DPH6: variants seen among roughly 807,000 people sequenced by gnomAD.
DPH6 encodes the protein diphthamine biosynthesis 6.
In DPH6, 33 loss-of-function variants were observed where a neutral mutation model predicts 38.2. That is an observed-to-expected ratio of 0.86 (90% confidence interval 0.65 to 1.15). The LOEUF (loss-of-function observed/expected upper bound fraction) is 1.15, where lower values mean the gene tolerates loss of function less well. DPH6 is among the 50% of genes most tolerant of loss of function. The pLI is 0.00. For synonymous variants in DPH6, 108 were observed against 103.0 expected, an observed-to-expected ratio of 1.05 and a Z score of -0.30; for missense variants, 325 against 320.0, an observed-to-expected ratio of 1.02 and a Z score of -0.12.
intron 3 of DPH6, among the ~76,000 whole-genome samples, chr15:35,230,177 C>T (rs2051507251): frequency 6.6e-6 from 1 of 152,178 alleles, no homozygotes; most frequent in South Asian, 2.1e-4. Context: ...TGTCAAAAAC[C>T]TTAGAAGCCC....
At chr15:35,500,046 G>A (rs2054606081) in intron 3 of DPH6, among the ~76,000 whole-genome samples, 1 of 152,190 alleles carries the variant, frequency 6.6e-6, no homozygotes, top group South Asian at 2.1e-4. Flanking sequence ...TGATCTTAAA[G>A]GAGGTGTCAT....
chr15:35,515,588 GCGGGCGCC>G (rs2054834574), intron 3 of DPH6, among the ~76,000 whole-genome samples: 1 of 152,044 alleles, frequency 6.6e-6, no homozygotes, highest in Non-Finnish European at 1.5e-5. Flanking sequence ...GGGCACGGTG[GCGGGCGCC>G]TGTAGTCCCA....
intron 3 of DPH6, among the ~76,000 whole-genome samples, chr15:35,316,353 T>A (rs2052188534): frequency 1.3e-5 from 2 of 152,148 alleles, no homozygotes; most frequent in East Asian, 3.8e-4. Flanking sequence ...AAAAAAGACA[T>A]GTGATTAATA....
chr15:35,302,438 G>T (rs189546913), intron 3 of DPH6, among the ~76,000 whole-genome samples: 280 of 152,172 alleles, frequency 1.8e-3, no homozygotes, highest in Non-Finnish European at 3.3e-3. Context: ...TTTCATGCAT[G>T]CCCTACTCTT....
At chr15:35,339,400 C>T (rs771368788) in intron 3 of DPH6, among the ~76,000 whole-genome samples, 5 of 151,994 alleles carry the variant, frequency 3.3e-5, no homozygotes, top group African/African-American at 4.8e-5. Context: ...TCTCGACTCA[C>T]TGCAACCTCT....
At chr15:35,353,746 T>C (rs933741987) in intron 3 of DPH6, among the ~76,000 whole-genome samples, 29 of 152,290 alleles carry the variant, frequency 1.9e-4, no homozygotes, top group African/African-American at 7.0e-4. Context: ...TGGCTTAGGA[T>C]TGACTTGGTG....
intron 3 of DPH6, among the ~76,000 whole-genome samples, chr15:35,250,714 A>C (rs2051668286): frequency 1.3e-5 from 2 of 152,144 alleles, no homozygotes; most frequent in African/African-American, 2.4e-5. Context: ...TCTAGGACTA[A>C]AAAGTTCAAA....
chr15:35,147,902 A>G, the DPH6 span, among the ~76,000 whole-genome samples: 1 of 152,248 alleles, frequency 6.6e-6, no homozygotes, highest in Admixed American at 6.5e-5. Flanking sequence ...CTTGGGCTGC[A>G]AACAATTAGT....
chr15:35,316,506 T>C (rs1012126591), intron 3 of DPH6, among the ~76,000 whole-genome samples: 4 of 152,016 alleles, frequency 2.6e-5, no homozygotes, highest in Non-Finnish European at 5.9e-5. Flanking sequence ...TTAAATAGAA[T>C]ACTGGAAGCT....
intron 6 of DPH6, among the ~76,000 whole-genome samples, chr15:35,384,670 AT>A: frequency 2.9e-5 from 2 of 70,120 alleles, no homozygotes; most frequent in Admixed American, 1.4e-4. Context: ...TCTCAAAAAA[AT>A]AAAAATAAAA....
chr15:35,454,662 A>G, intron 4 of DPH6, 85 bp downstream of exon 4: 1 of 1,167,622 alleles, frequency 8.6e-7, no homozygotes, highest in South Asian at 1.4e-5. Flanking sequence ...ACCTATTTAT[A>G]ATTTGAATAT....
intron 3 of DPH6, among the ~76,000 whole-genome samples, chr15:35,483,465 A>G (rs1408224071): frequency 6.7e-6 from 1 of 148,602 alleles, no homozygotes; most frequent in Admixed American, 6.7e-5. Context: ...CTCTGTCTCA[A>G]AAAAAAACCA....
intron 1 of DPH6, among the ~76,000 whole-genome samples, chr15:35,544,733 T>G (rs1216786071): frequency 6.6e-6 from 1 of 152,154 alleles, no homozygotes; most frequent in Non-Finnish European, 1.5e-5. Flanking sequence ...TTAGCAAACT[T>G]TTTTTATTAT....
chr15:35,364,004 T>C (rs193261899), intron 3 of DPH6, among the ~76,000 whole-genome samples: 1 of 152,208 alleles, frequency 6.6e-6, no homozygotes, highest in African/African-American at 2.4e-5. Context: ...TTCTTACATA[T>C]AGTTAATATC....
intron 3 of DPH6, chr15:35,283,106 C>T: frequency 6.8e-6 from 1 of 147,296 alleles, no homozygotes; most frequent in Non-Finnish European, 1.4e-5. Context: ...CTTCTTCTCC[C>T]TTCTTCTTCT....
At chr15:35,529,164 T>C (rs2055048392) in intron 3 of DPH6, among the ~76,000 whole-genome samples, 2 of 152,210 alleles carry the variant, frequency 1.3e-5, no homozygotes, top group Non-Finnish European at 2.9e-5. Context: ...CTCGCACTGC[T>C]ACCTGAGGCT....
At chr15:35,188,406 A>G in the DPH6 span, among the ~76,000 whole-genome samples, 1 of 152,270 alleles carries the variant, frequency 6.6e-6, no homozygotes, top group East Asian at 1.9e-4. Flanking sequence ...CAGACAGGCC[A>G]CCCCAAGGGA....
chr15:35,546,125 A>G lies in DPH6; in HGVS notation c.17T>C (p.Leu6Pro), dbSNP rs1053713276. The part of the protein sequence containing the change: MRVAA[L>P]ISGGKDSCYN... Reference sequence around the variant, plus strand: ...GGCTCCAGGACCGCATTACCTGATCAGAGCCGCGACCCTCATGCTGGGCGC... The same window carrying G: ...GGCTCCAGGACCGCATTACCTGATCGGAGCCGCGACCCTCATGCTGGGCGC... The change falls in exon 1 of 9, where the codon CTG becomes CCG. Residue 6 changes from leucine to proline, a missense_variant. Leu to Pro is a moderately conservative substitution (Grantham distance 98). Coordinates refer to ENST00000256538, the MANE Select transcript of DPH6 (RefSeq NM_080650.4). The G allele has an allele frequency of 1.4e-6, 2 of 1,408,962 alleles. No homozygotes were observed. The highest frequency in any genetic ancestry group is 9.4e-7 in the Non-Finnish European group (1 of 1,067,448). The allele number at this position is 1,408,962 out of a possible 1,614,324, so 87.3% of individuals were successfully genotyped here. A position where few individuals can be genotyped will look rare whatever the true frequency, so the allele number is the denominator to read the frequency against.
At chr15:35,487,918 G>A (rs907724872) in intron 3 of DPH6, among the ~76,000 whole-genome samples, 1 of 152,110 alleles carries the variant, frequency 6.6e-6, no homozygotes, top group Non-Finnish European at 1.5e-5. Context: ...AAACAGCCAG[G>A]TCACATCTTG....
Sources: gnomAD v4.1 joint callset for allele counts (sites outside exome capture counted in the v4.1 genomes callset) on GRCh38, gnomAD v4.1.1 for gene constraint, MANE v1.5 for transcripts, NCBI Gene and HGNC (gene_info 2026-07-23, HGNC 2026-07-21) for gene names.